MANBA: variants seen among roughly 807,000 people sequenced by gnomAD.
MANBA encodes the protein beta-mannosidase.
In MANBA, 83 loss-of-function variants were observed where a neutral mutation model predicts 111.1. The ratio of observed to expected loss-of-function variants is 0.75; its 90% confidence interval spans 0.63 to 0.90. The LOEUF is 0.90. MANBA is among the 40% of genes least tolerant of loss of function. MANBA has a pLI of 0.00. For synonymous variants in MANBA, 370 were observed against 378.7 expected, an observed-to-expected ratio of 0.98 and a Z score of 0.27; for missense variants, 1,036 against 1,069.0, an observed-to-expected ratio of 0.97 and a Z score of 0.43.
chr4:102,671,804 C>A, intron 8 of MANBA: 1 of 418,814 alleles, frequency 2.4e-6, no homozygotes. Flanking sequence ...TGCAATTTCT[C>A]CAGCCCAGTA....
intron 5 of MANBA, among the ~76,000 whole-genome samples, chr4:102,709,327 A>AGG (rs1560788771): frequency 1.7e-3 from 215 of 126,156 alleles, no homozygotes; most frequent in African/African-American, 5.0e-3. Flanking sequence ...AAGAAAAGAA[A>AGG]AAGAAAGGAA....
At chr4:102,744,173 C>T (rs1723508123) in intron 1 of MANBA, among the ~76,000 whole-genome samples, 2 of 152,206 alleles carry the variant, frequency 1.3e-5, no homozygotes, top group East Asian at 1.9e-4. Flanking sequence ...GGACGTTGTG[C>T]CTCTTTCTTG....
intron 5 of MANBA, among the ~76,000 whole-genome samples, chr4:102,702,550 T>C (rs1393083227): frequency 2.0e-5 from 3 of 152,176 alleles, no homozygotes; most frequent in Non-Finnish European, 4.4e-5. Flanking sequence ...GGATGTCCTT[T>C]CTGTTTGTTA....
At chr4:102,664,509 C>T (rs1454229217) in intron 11 of MANBA, among the ~76,000 whole-genome samples, 176 bp downstream of exon 11, 1 of 152,074 alleles carries the variant, frequency 6.6e-6, no homozygotes, top group Non-Finnish European at 1.5e-5. Context: ...CCACCGCGCC[C>T]AGCTAATTTT....
intron 7 of MANBA, chr4:102,682,866 G>A (rs1303966857): frequency 2.0e-5 from 3 of 152,118 alleles, no homozygotes; most frequent in African/African-American, 7.2e-5. Context: ...CTTGATTTTG[G>A]ACTCCAGCCT....
chr4:102,648,148 C>A (rs228620), intron 13 of MANBA, among the ~76,000 whole-genome samples: 152,224 of 152,224 alleles, frequency 1, 76,112 homozygotes, highest in Non-Finnish European at 1. Flanking sequence ...TAAAATGAAA[C>A]CATTATCCAA....
At position 102,634,335 on chromosome 4, in the gene MANBA, G is replaced by A. The variant is rs373097126; in HGVS notation, c.2415+453C>T. ...CTTAAAATTAGACTGCGTCAGCTGGGCTCCAATGCTTCCCAGCTACAGGAC... is the reference window on the plus strand; with the variant it reads ...CTTAAAATTAGACTGCGTCAGCTGGACTCCAATGCTTCCCAGCTACAGGAC... On this transcript the variant is annotated intron_variant, in intron 16 of 16. Coordinates refer to ENST00000647097, the MANE Select transcript of MANBA (RefSeq NM_005908.4). Among the ~76,000 whole-genome samples the A allele has an allele frequency of 1.8e-4, 28 of 152,318 alleles. No individual in the cohort carries two copies. In the East Asian group the frequency reaches 5.4e-3, roughly 29 times the overall value.
chr4:102,637,314 A>G (rs1729674960), intron 14 of MANBA, among the ~76,000 whole-genome samples: 2 of 152,154 alleles, frequency 1.3e-5, no homozygotes, highest in South Asian at 2.1e-4. Context: ...AACAGAATCT[A>G]TCTCTCTGAT....
chr4:102,701,121 CT>C (rs1237681891), intron 5 of MANBA, among the ~76,000 whole-genome samples: 1 of 152,082 alleles, frequency 6.6e-6, no homozygotes, highest in African/African-American at 2.4e-5. Context: ...TAATGGCCTT[CT>C]TTGTCTCTTT....
chr4:102,673,521 A>G (rs1731587539), intron 8 of MANBA, among the ~76,000 whole-genome samples: 1 of 151,982 alleles, frequency 6.6e-6, no homozygotes, highest in African/African-American at 2.4e-5. Context: ...AAAAAAAAAA[A>G]GGTAAATATG....
rs1729604722 is a variant in MANBA, at chr4:102,635,895, ATC to A, written c.2125_2126del (p.Asp709SerfsTer28). ...ENTFYIYGVS[D>X]LHSDYSMTLS... ...GTGTCATCGAATAATCCGAGTGAAG[ATC>A]TGACACACCATAGATATAGAACGTG... On this transcript the variant is annotated frameshift_variant, in exon 15 of 17. Coordinates refer to ENST00000647097, the MANE Select transcript of MANBA (RefSeq NM_005908.4). LOFTEE classifies it high-confidence loss of function. The A allele has an allele frequency of 6.2e-7, 1 of 1,612,560 alleles. No individual in the cohort carries two copies. The highest frequency in any genetic ancestry group is 1.7e-5 in the Admixed American group (1 of 60,012).
chr4:102,641,091 T>C (rs142150027), intron 13 of MANBA, among the ~76,000 whole-genome samples: 2 of 152,120 alleles, frequency 1.3e-5, no homozygotes, highest in Non-Finnish European at 2.9e-5. Flanking sequence ...AGAAGAGGTA[T>C]GCAATGTTAC....
At chr4:102,707,567 C>T (rs1003309602) in intron 5 of MANBA, among the ~76,000 whole-genome samples, 26 of 151,970 alleles carry the variant, frequency 1.7e-4, no homozygotes, top group African/African-American at 6.3e-4. Flanking sequence ...AAACACCAAA[C>T]CACAGTGATA....
chr4:102,705,869 C>T (rs908602238), intron 5 of MANBA, among the ~76,000 whole-genome samples: 22 of 152,174 alleles, frequency 1.4e-4, no homozygotes, highest in African/African-American at 5.3e-4. Context: ...CTCCCAGGAG[C>T]CTGAGGACAG....
intron 5 of MANBA, among the ~76,000 whole-genome samples, chr4:102,707,953 A>G (rs566307202): frequency 1.1e-4 from 17 of 152,320 alleles, no homozygotes; most frequent in Non-Finnish European, 4.4e-5. Context: ...CAAATCCACA[A>G]GAGAATATAA....
intron 5 of MANBA, among the ~76,000 whole-genome samples, chr4:102,708,195 A>G (rs1254151722): frequency 6.6e-6 from 1 of 152,156 alleles, no homozygotes; most frequent in Non-Finnish European, 1.5e-5. Flanking sequence ...TATAGCTACA[A>G]AATGCACATT....
chr4:102,665,993 T>C (rs1007681236), intron 10 of MANBA: 3 of 152,226 alleles, frequency 2.0e-5, no homozygotes, highest in Non-Finnish European at 2.9e-5. Context: ...CAGCCAGCCA[T>C]ATAAACACTA....
chr4:102,755,347 G>C (rs1467628451), intron 1 of MANBA, among the ~76,000 whole-genome samples: 4 of 152,062 alleles, frequency 2.6e-5, no homozygotes, highest in Non-Finnish European at 4.4e-5. Flanking sequence ...CTTTGACAAA[G>C]CTGACAAAAA....
chr4:102,743,865 T>C (rs1047206802), intron 1 of MANBA, among the ~76,000 whole-genome samples: 3 of 152,228 alleles, frequency 2.0e-5, no homozygotes. Context: ...CTGCAGAAGA[T>C]GGCAGGGCTT....
Sources: allele counts gnomAD v4.1 joint callset (sites outside exome capture counted in the v4.1 genomes callset), GRCh38; gene constraint gnomAD v4.1.1; transcripts MANE v1.5; gene names NCBI Gene and HGNC (gene_info 2026-07-23, HGNC 2026-07-21).